NRP2: variants seen among roughly 807,000 people sequenced by gnomAD.
NRP2 encodes neuropilin 2.
NRP2 carries 52 observed loss-of-function variants against 110.4 expected under a neutral mutation model. The ratio of observed to expected loss-of-function variants is 0.47; its 90% confidence interval spans 0.38 to 0.59. The LOEUF is 0.59. Ranked by LOEUF, NRP2 falls within the 20% of genes least tolerant of loss-of-function variation. The probability of loss-of-function intolerance (pLI) is 0.00; values close to 1 mark genes in which losing one functional copy is unlikely to be tolerated. For synonymous variants in NRP2, 508 were observed against 468.9 expected (o/e 1.08, Z -1.08); for missense variants, 1,049 against 1,203.0 (o/e 0.87, Z 1.89).
At chr2:205,689,016 G>T (rs777290020) in intron 1 of NRP2, among the ~76,000 whole-genome samples, 25 of 152,186 alleles carry the variant, frequency 1.6e-4, no homozygotes, top group Non-Finnish European at 3.4e-4. Flanking sequence ...TGTGTACAGG[G>T]AGTGGAGAAG....
At chr2:205,737,692 G>A (rs1407453998) in intron 7 of NRP2, among the ~76,000 whole-genome samples, 1 of 152,236 alleles carries the variant, frequency 6.6e-6, no homozygotes, top group African/African-American at 2.4e-5. Flanking sequence ...AGGGTAATTT[G>A]AAGCTAAGTT....
At chr2:205,684,764 C>T (rs2056104858) in intron 1 of NRP2, among the ~76,000 whole-genome samples, 1 of 152,238 alleles carries the variant, frequency 6.6e-6, no homozygotes, top group South Asian at 2.1e-4. Flanking sequence ...CGCCGTTCCC[C>T]CTTGCCTTAT....
intron 15 of NRP2, among the ~76,000 whole-genome samples, chr2:205,770,917 T>G (rs2058012503): frequency 6.6e-6 from 1 of 152,166 alleles, no homozygotes; most frequent in African/African-American, 2.4e-5. Flanking sequence ...CGCTGGAGCA[T>G]GCCACCTCTC....
intron 2 of NRP2, chr2:205,700,654 C>T: frequency 3.9e-6 from 2 of 514,820 alleles, no homozygotes; most frequent in Non-Finnish European, 7.8e-6. Context: ...CTGAGTAAAC[C>T]CCAGATAGAC....
chr2:205,768,654 T>A (rs571240403), intron 15 of NRP2, among the ~76,000 whole-genome samples: 3 of 152,204 alleles, frequency 2.0e-5, no homozygotes, highest in Non-Finnish European at 2.9e-5. Flanking sequence ...TGAGCAGCAG[T>A]GCTCATTTAG....
chr2:205,790,000 A>T (rs1004996788), intron 15 of NRP2, among the ~76,000 whole-genome samples: 1 of 152,200 alleles, frequency 6.6e-6, no homozygotes, highest in Non-Finnish European at 1.5e-5. Context: ...TTCTTTCTTT[A>T]AGGCTTGGTG....
chr2:205,728,788 T>A (rs2057179984), intron 7 of NRP2, among the ~76,000 whole-genome samples: 1 of 152,246 alleles, frequency 6.6e-6, no homozygotes, highest in Non-Finnish European at 1.5e-5. Context: ...GGGGGCTTAT[T>A]GCAAACAGCC....
rs1269370282 is a variant in NRP2, at chr2:205,763,160, A to C, written c.2045-514A>C. Among the ~76,000 whole-genome samples, 2 of 152,138 alleles carry C rather than the reference A, an allele frequency of 1.3e-5. No homozygotes were observed. The highest frequency in any genetic ancestry group is 1.3e-4 in the Admixed American group (2 of 15,274). On this transcript the variant is annotated intron_variant, in intron 12 of 16. Transcript: ENST00000357785. The surrounding 1 kb of genome is among the most constrained non-coding windows in gnomAD (Gnocchi z 4.0). ...AGACAGAAGGTTTTAAATGTCAGCC[A>C]TTTGGACAGTGCCCAGCCAAGATGG... is the stretch of plus-strand genomic sequence containing the variant.
Position 205,795,140 on chromosome 2 carries a change from C to A in NRP2, c.*82C>A. ...ATTACATTTTTTTTTCCTTTGGAAA[C>A]TGAATGCCATAATCTCGATCAAACC... On this transcript the variant is annotated 3_prime_UTR_variant, in exon 17 of 17. Transcript: ENST00000357785. 7.7e-7 allele frequency: 1 copy of A among 1,306,978 alleles called. No individual in the cohort carries two copies. Among genetic ancestry groups the A allele is most frequent in the Non-Finnish European group, 1.1e-6 (1 of 925,456 alleles). The allele number at this position is 1,306,978 out of a possible 1,614,324, so 81.0% of individuals were successfully genotyped here. A position where few individuals can be genotyped will look rare whatever the true frequency, so the allele number is the denominator to read the frequency against.
At chr2:205,699,619 T>C (rs753600981) in intron 2 of NRP2, among the ~76,000 whole-genome samples, 2 of 152,148 alleles carry the variant, frequency 1.3e-5, no homozygotes, top group Non-Finnish European at 2.9e-5. Flanking sequence ...ACCCCTTCCA[T>C]GGACAGGACT....
At chr2:205,770,058 C>T (rs1004009001) in intron 15 of NRP2, among the ~76,000 whole-genome samples, 4 of 152,142 alleles carry the variant, frequency 2.6e-5, no homozygotes, top group Non-Finnish European at 4.4e-5. Flanking sequence ...GAGCAGAGCA[C>T]GGGCAGAGAG....
At chr2:205,696,929 T>G (rs995599958) in intron 1 of NRP2, among the ~76,000 whole-genome samples, 1 of 151,518 alleles carries the variant, frequency 6.6e-6, no homozygotes, top group Non-Finnish European at 1.5e-5. Context: ...GTTTGGGGGG[T>G]TTGCATTTTT....
At chr2:205,779,511 C>T (rs2058149618) in intron 15 of NRP2, 1 of 152,178 alleles carries the variant, frequency 6.6e-6, no homozygotes, top group African/African-American at 2.4e-5. Flanking sequence ...AGGCAAACAC[C>T]TAAATAATCG....
chr2:205,762,896 T>G (rs2057847322), intron 12 of NRP2, among the ~76,000 whole-genome samples: 1 of 152,232 alleles, frequency 6.6e-6, no homozygotes, highest in South Asian at 2.1e-4. Context: ...ACATTTGGAT[T>G]GGTAAACCCT....
chr2:205,741,952 C>T (rs553457762), intron 8 of NRP2, among the ~76,000 whole-genome samples: 5 of 152,322 alleles, frequency 3.3e-5, no homozygotes, highest in South Asian at 2.1e-4. Context: ...TCTGAACCCA[C>T]GTTTTCTCAA....
intron 1 of NRP2, 140 bp from the exon 2 acceptor site, chr2:205,697,404 T>G: frequency 1.2e-6 from 1 of 809,544 alleles, no homozygotes; most frequent in Non-Finnish European, 2.2e-6. Context: ...AATGAGTAAG[T>G]AGGTTAGTCT....
At chr2:205,787,107 G>A (rs1253153734) in intron 15 of NRP2, among the ~76,000 whole-genome samples, 2 of 152,168 alleles carry the variant, frequency 1.3e-5, no homozygotes, top group African/African-American at 4.8e-5. Context: ...GGGAATTCTA[G>A]AGGAGAGGAG....
intron 2 of NRP2, among the ~76,000 whole-genome samples, chr2:205,712,705 C>T (rs2056821801): frequency 6.6e-6 from 1 of 152,080 alleles, no homozygotes. Context: ...TGGAGTGTGC[C>T]CTTTATATAA....
Position 205,743,050 on chromosome 2 carries a change from A to T in NRP2, c.1292-153A>T, listed in dbSNP as rs559110601. Among the ~76,000 whole-genome samples the T allele has an allele frequency of 4.6e-5, 7 of 152,354 alleles. No individual in the cohort carries two copies. In the South Asian group the frequency reaches 1.4e-3, roughly 32 times the overall value. On this transcript the variant is annotated intron_variant, in intron 8 of 16. Transcript: ENST00000357785. ...GTCTAGCTCTGAGTCCAGGCTCTTAACCACAGTGCTGTACACATTCACCAT... is the reference window on the plus strand; with the variant it reads ...GTCTAGCTCTGAGTCCAGGCTCTTATCCACAGTGCTGTACACATTCACCAT...
Sources: gnomAD v4.1 joint callset for allele counts (sites outside exome capture counted in the v4.1 genomes callset) on GRCh38, gnomAD v4.1.1 for gene constraint, Gnocchi (gnomAD v3.1) non-coding constraint, MANE v1.5 for transcripts, NCBI Gene and HGNC (gene_info 2026-07-23, HGNC 2026-07-21) for gene names.